Variants in CEP162 observed in about 807,000 individuals in gnomAD.
CEP162 encodes centrosomal protein 162.
Under a neutral mutation model 169.2 loss-of-function variants are expected in CEP162, and 141 were observed. The observed-to-expected ratio is 0.83, with a 90% CI of 0.73 to 0.96. CEP162 has a LOEUF of 0.96. Ranked by LOEUF, CEP162 falls within the 40% of genes least tolerant of loss-of-function variation. The pLI is 0.00. For missense variants in CEP162, 1,600 were observed against 1,587.2 expected, an observed-to-expected ratio of 1.01 and a Z score of -0.14; for synonymous variants, 540 against 526.4, an observed-to-expected ratio of 1.03 and a Z score of -0.35.
intron 11 of CEP162, among the ~76,000 whole-genome samples, chr6:84,189,064 T>G (rs565079855): frequency 2.0e-5 from 3 of 152,264 alleles, no homozygotes; most frequent in Admixed American, 2.0e-4. Context: ...GCCCACTTTT[T>G]TTTTTTGAGA....
intron 25 of CEP162, among the ~76,000 whole-genome samples, chr6:84,141,745 G>T (rs2099516745): frequency 6.6e-6 from 1 of 152,270 alleles, no homozygotes; most frequent in African/African-American, 2.4e-5. Context: ...CAGGGAACTG[G>T]CAGCCAGGCT....
chr6:84,206,620 A>T (rs369497892), intron 6 of CEP162, among the ~76,000 whole-genome samples: 1 of 152,078 alleles, frequency 6.6e-6, no homozygotes, highest in African/African-American at 2.4e-5. Flanking sequence ...AAAAACCCTA[A>T]AAGAAAACCT....
chr6:84,128,576 A>T (rs967058919), intron 25 of CEP162, among the ~76,000 whole-genome samples: 8 of 152,140 alleles, frequency 5.3e-5, no homozygotes, highest in African/African-American at 1.9e-4. Context: ...CACTTTCCTT[A>T]GCATCAATAT....
At chr6:84,227,525 G>A (rs1277862254) in intron 1 of CEP162, 55 bp downstream of exon 1, 1 of 152,162 alleles carries the variant, frequency 6.6e-6, no homozygotes, top group Non-Finnish European at 1.5e-5. Context: ...TATGAAGCAC[G>A]GCCTCGACCA....
At chr6:84,171,495 A>C in intron 17 of CEP162, 111 bp downstream of exon 17, 2 of 465,870 alleles carry the variant, frequency 4.3e-6, no homozygotes, top group Non-Finnish European at 7.4e-6. Flanking sequence ...TGTACAAATA[A>C]AAATAAAATT....
intron 6 of CEP162, among the ~76,000 whole-genome samples, chr6:84,204,327 A>G (rs1385814961): frequency 6.6e-6 from 1 of 152,210 alleles, no homozygotes; most frequent in Admixed American, 6.5e-5. Flanking sequence ...CATAGTTGCA[A>G]GTAAAGCACT....
chr6:84,174,867 C>T lies in CEP162; in HGVS notation c.1885G>A (p.Ala629Thr), dbSNP rs768500474. The T allele has an allele frequency of 3.7e-6, 6 of 1,611,270 alleles. No individual in the cohort carries two copies. In the Admixed American group the frequency reaches 5.0e-5, roughly 13 times the overall value. Residue 629 changes from alanine to threonine, a missense_variant, in exon 15 of 27, where the codon GCG becomes ACG. Physicochemically the swap from Ala to Thr is moderately conservative, Grantham distance 58. Transcript: ENST00000403245. ...TTAATTTGCTCAATTAGGGCTTGCG[C>T]ACCCCTCCATTTATCCTCTGCTTCC... is the stretch of plus-strand genomic sequence containing the variant. ...VQEAEDKWRG[A>T]QALIEQIKAT...
intron 25 of CEP162, among the ~76,000 whole-genome samples, chr6:84,134,058 G>A (rs1253956526): frequency 6.6e-6 from 1 of 152,234 alleles, no homozygotes. Context: ...GCCCTGCCCA[G>A]AGAGGAGGAA....
chr6:84,208,003 T>C (rs918614573), intron 6 of CEP162, among the ~76,000 whole-genome samples: 8 of 151,706 alleles, frequency 5.3e-5, no homozygotes, highest in Non-Finnish European at 1.2e-4. Context: ...TTGGATTTTG[T>C]TTTTCAGGTT....
At chr6:84,160,996 G>A in intron 20 of CEP162, 80 bp from the exon 21 acceptor site, 1 of 939,764 alleles carries the variant, frequency 1.1e-6, no homozygotes, top group South Asian at 1.3e-5. Context: ...TAATATTAGT[G>A]CACTCATACA....
chr6:84,224,579 C>T (rs1483982316), intron 2 of CEP162, among the ~76,000 whole-genome samples: 1 of 152,144 alleles, frequency 6.6e-6, no homozygotes. Flanking sequence ...GTTACCACTA[C>T]TGTCCTAAAA....
intron 25 of CEP162, among the ~76,000 whole-genome samples, chr6:84,140,226 G>A (rs572165594): frequency 3.6e-4 from 55 of 152,254 alleles, no homozygotes; most frequent in African/African-American, 9.6e-4. Flanking sequence ...AATAAGAGAC[G>A]GCAGTCCATT....
intron 17 of CEP162, among the ~76,000 whole-genome samples, chr6:84,171,103 CT>C (rs1409344085): frequency 2.0e-5 from 3 of 152,146 alleles, no homozygotes; most frequent in African/African-American, 7.2e-5. Flanking sequence ...TGCCCTCCCC[CT>C]ACCTCACCGT....
Position 84,125,107 on chromosome 6 carries a change from A to AC in CEP162, c.4174dup (p.Val1392GlyfsTer6). 1 of 1,613,220 alleles carries AC rather than the reference A, an allele frequency of 6.2e-7. No homozygotes were observed. Among genetic ancestry groups the AC allele is most frequent in the Non-Finnish European group, 8.5e-7 (1 of 1,179,578 alleles). ...TGCATTCATTTCATCTGCAAAAGCAACTGGCACAACCACTCCTTGCCGGTG... is the reference window on the plus strand; with the variant it reads ...TGCATTCATTTCATCTGCAAAAGCAACCTGGCACAACCACTCCTTGCCGGTG... On this transcript the variant is annotated frameshift_variant, in exon 27 of 27. Transcript: ENST00000403245. LOFTEE classifies it high-confidence loss of function.
chr6:84,173,762 C>T (rs573053884), intron 16 of CEP162, among the ~76,000 whole-genome samples: 1 of 150,678 alleles, frequency 6.6e-6, no homozygotes, highest in East Asian at 1.9e-4. Context: ...CAGCTCACTG[C>T]AATCTCTGCC....
At chr6:84,151,805 C>T (rs1365960041) in intron 23 of CEP162, among the ~76,000 whole-genome samples, 1 of 151,824 alleles carries the variant, frequency 6.6e-6, no homozygotes, top group Non-Finnish European at 1.5e-5. Flanking sequence ...GTGTGGTCAA[C>T]ATTGTTGAAG....
chr6:84,133,502 G>A (rs2099512494), intron 25 of CEP162, among the ~76,000 whole-genome samples: 1 of 152,164 alleles, frequency 6.6e-6, no homozygotes, highest in South Asian at 2.1e-4. Flanking sequence ...TTGAGTTGCG[G>A]TGGGCTCCAC....
At chr6:84,212,340 CAAT>C (rs926489288) in intron 6 of CEP162, among the ~76,000 whole-genome samples, 2 of 151,894 alleles carry the variant, frequency 1.3e-5, no homozygotes, top group Admixed American at 6.6e-5. Flanking sequence ...GCTTTAACAA[CAAT>C]AATAATAATG....
chr6:84,193,853 CCTTT>C (rs1196742877), intron 10 of CEP162, among the ~76,000 whole-genome samples, 163 bp from the exon 11 acceptor site: 1 of 152,136 alleles, frequency 6.6e-6, no homozygotes, highest in Non-Finnish European at 1.5e-5. Flanking sequence ...AGGAAAACTT[CCTTT>C]CTTATGAAAT....
Sources: allele counts gnomAD v4.1 joint callset (sites outside exome capture counted in the v4.1 genomes callset), GRCh38; gene constraint gnomAD v4.1.1; transcripts MANE v1.5; gene names NCBI Gene and HGNC (gene_info 2026-07-23, HGNC 2026-07-21).